ERO1B: variants seen among roughly 807,000 people sequenced by gnomAD.
ERO1B encodes the protein endoplasmic reticulum oxidoreductase 1 beta.
In ERO1B, 49 loss-of-function variants were observed where a neutral mutation model predicts 75.3. The ratio of observed to expected loss-of-function variants is 0.65; its 90% CI spans 0.52 to 0.83. The LOEUF (loss-of-function observed/expected upper bound fraction) is 0.83, where lower values mean the gene tolerates loss of function less well. Among genes scored for constraint, ERO1B ranks in the 40% least tolerant of loss-of-function variants. The probability of loss-of-function intolerance (pLI) is 0.00; values close to 1 mark genes in which losing one functional copy is unlikely to be tolerated. For missense variants in ERO1B, 512 were observed against 560.1 expected (o/e 0.91, Z 0.87); for synonymous variants, 191 against 192.9 (o/e 0.99, Z 0.08).
intron 6 of ERO1B, among the ~76,000 whole-genome samples, chr1:236,239,074 C>T (rs1368291667): frequency 2.0e-5 from 3 of 152,108 alleles, no homozygotes; most frequent in African/African-American, 4.8e-5. Flanking sequence ...GTGCTCACCA[C>T]GACACACAGC....
At chr1:236,233,793 C>T (rs1055640165) in intron 8 of ERO1B, among the ~76,000 whole-genome samples, 9 of 152,074 alleles carry the variant, frequency 5.9e-5, no homozygotes, top group African/African-American at 2.2e-4. Context: ...ATTACTGCTC[C>T]TCAGCAGAGA....
At chr1:236,225,221 C>A (rs1028759852) in intron 12 of ERO1B, 82 bp from the exon 13 acceptor site, 2 of 1,297,272 alleles carry the variant, frequency 1.5e-6, no homozygotes, top group African/African-American at 3.0e-5. Context: ...AATTTTCTAT[C>A]CTTATGAATA....
At chr1:236,250,945 T>G (rs1665011414) in intron 4 of ERO1B, among the ~76,000 whole-genome samples, 1 of 152,048 alleles carries the variant, frequency 6.6e-6, no homozygotes, top group African/African-American at 2.4e-5. Context: ...AACTCTTACA[T>G]GTGTGCACAA....
intron 5 of ERO1B, among the ~76,000 whole-genome samples, chr1:236,248,754 C>T (rs1027239708): frequency 2.0e-5 from 3 of 151,764 alleles, no homozygotes; most frequent in African/African-American, 7.3e-5. Flanking sequence ...GGATATACAC[C>T]AACTAATTCT....
At chr1:236,232,694 C>A in intron 9 of ERO1B, 134 bp downstream of exon 9, 3 of 486,326 alleles carry the variant, frequency 6.2e-6, no homozygotes, top group Non-Finnish European at 6.8e-6. Context: ...TTTTTTTGGT[C>A]ACCATTCATT....
chr1:236,249,999 T>C (rs377499698), intron 4 of ERO1B, 32 bp from the exon 5 acceptor site: 8 of 1,420,738 alleles, frequency 5.6e-6, no homozygotes, highest in Non-Finnish European at 7.8e-6. Flanking sequence ...TAGTAAAAAT[T>C]ATTACCTTAT....
At chr1:236,248,762 T>C (rs537170775) in intron 5 of ERO1B, among the ~76,000 whole-genome samples, 28 of 152,174 alleles carry the variant, frequency 1.8e-4, no homozygotes, top group Non-Finnish European at 2.2e-4. Flanking sequence ...ACCAACTAAT[T>C]CTTGATAGTA....
At chr1:236,225,870 G>A (rs1664264955) in intron 12 of ERO1B, among the ~76,000 whole-genome samples, 1 of 152,170 alleles carries the variant, frequency 6.6e-6, no homozygotes, top group Non-Finnish European at 1.5e-5. Context: ...GGGAGGCAGA[G>A]GCTGCAGTGA....
intron 10 of ERO1B, 41 bp downstream of exon 10, chr1:236,230,180 ATTT>A: frequency 1.4e-6 from 2 of 1,476,562 alleles, no homozygotes; most frequent in South Asian, 2.4e-5. Flanking sequence ...ATAAATCAGT[ATTT>A]TTTAACAAAA....
intron 2 of ERO1B, among the ~76,000 whole-genome samples, chr1:236,268,118 C>T (rs1159012999): frequency 6.6e-6 from 1 of 152,180 alleles, no homozygotes; most frequent in African/African-American, 2.4e-5. Flanking sequence ...GAGAAACATA[C>T]ATCACCTTTT....
In ERO1B at chr1:236,235,819, G is replaced by T; in HGVS notation, c.643C>A (p.Arg215Ser). ...ENCFKPRSVY[R>S]PLNPLAPSRG... is the part of the protein sequence containing the mutation. ...CTAGGCGCCAGAGGATTTAAAGGACGATAAACAGATCGAGGCCTGAAAAAG... is the reference window on the plus strand; with the variant it reads ...CTAGGCGCCAGAGGATTTAAAGGACTATAAACAGATCGAGGCCTGAAAAAG... Residue 215 changes from arginine to serine, a missense_variant, in exon 8 of 16, where the codon CGT (arginine) becomes AGT (serine). By Grantham distance (110) the Arg-to-Ser change is moderately radical. Coordinates refer to ENST00000354619, the MANE Select transcript of ERO1B (RefSeq NM_019891.4). The T allele has an allele frequency of 1.2e-6, 2 of 1,612,800 alleles. No homozygotes were observed. Among genetic ancestry groups the T allele is most frequent in the Non-Finnish European group, 1.7e-6 (2 of 1,179,454 alleles).
At chr1:236,242,387 C>CA (rs1664732628) in intron 6 of ERO1B, among the ~76,000 whole-genome samples, 1 of 152,032 alleles carries the variant, frequency 6.6e-6, no homozygotes, top group Admixed American at 6.6e-5. Context: ...AAAGTTTTAC[C>CA]AATTCTCTAT....
intron 2 of ERO1B, among the ~76,000 whole-genome samples, chr1:236,263,573 C>G (rs1665342028): frequency 6.6e-6 from 1 of 151,904 alleles, no homozygotes; most frequent in East Asian, 1.9e-4. Context: ...TTATTAGGAT[C>G]ACATTAAATT....
chr1:236,249,765 C>T, intron 5 of ERO1B, 120 bp downstream of exon 5: 1 of 684,298 alleles, frequency 1.5e-6, no homozygotes, highest in Non-Finnish European at 2.3e-6. Flanking sequence ...CTTTTTCTTC[C>T]TTTTAAAAAT....
chr1:236,252,896 T>G (rs1283962540), intron 3 of ERO1B, among the ~76,000 whole-genome samples: 1 of 151,864 alleles, frequency 6.6e-6, no homozygotes, highest in East Asian at 1.9e-4. Context: ...GGAATATAAT[T>G]AATTATGTTA....
At chr1:236,250,719 TACGTACATATATATACACAC>T (rs1235491665) in intron 4 of ERO1B, among the ~76,000 whole-genome samples, 1 of 149,756 alleles carries the variant, frequency 6.7e-6, no homozygotes, top group Non-Finnish European at 1.5e-5. Context: ...TATATATACA[TACGTACATATATATACACAC>T]ACACACATAC....
intron 1 of ERO1B, among the ~76,000 whole-genome samples, chr1:236,275,433 G>T (rs1404102879): frequency 6.6e-6 from 1 of 152,190 alleles, no homozygotes; most frequent in Non-Finnish European, 1.5e-5. Context: ...TAACCAAATG[G>T]AAGAGATGCA....
chr1:236,232,214 T>C (rs1427992687), intron 9 of ERO1B, among the ~76,000 whole-genome samples: 3 of 152,228 alleles, frequency 2.0e-5, no homozygotes, highest in Admixed American at 2.0e-4. Flanking sequence ...CCATTGTTTA[T>C]GTACAGTGCT....
intron 9 of ERO1B, among the ~76,000 whole-genome samples, chr1:236,230,611 C>CA (rs397983348): frequency 0.48 from 27,790 of 58,470 alleles, 9,293 homozygotes; most frequent in Non-Finnish European, 0.67. Context: ...GACCCTGTCT[C>CA]AAAAAAAAAA....
Sources: allele counts gnomAD v4.1 joint callset (sites outside exome capture counted in the v4.1 genomes callset), GRCh38; gene constraint gnomAD v4.1.1; transcripts MANE v1.5; gene names NCBI Gene and HGNC (gene_info 2026-07-23, HGNC 2026-07-21).